The following ABCG5 variants were observed in gnomAD, a reference collection of about 807,000 sequenced individuals.
The protein encoded by ABCG5 is ATP-binding cassette sub-family G member 5.
A neutral mutation model predicts 64.5 loss-of-function variants in ABCG5; 64 were observed. That is an observed-to-expected ratio of 0.99 (90% CI 0.81 to 1.22). The LOEUF (loss-of-function observed/expected upper bound fraction) is 1.22, where lower values mean the gene tolerates loss of function less well. Among genes scored for constraint, ABCG5 ranks in the 50% most tolerant of loss-of-function variants. ABCG5 has a pLI of 0.00. For missense variants in ABCG5, 908 were observed against 829.5 expected, an observed-to-expected ratio of 1.09 and a Z score of -1.16; for synonymous variants, 385 against 326.3, an observed-to-expected ratio of 1.18 and a Z score of -1.94.
Position 43,813,117 on chromosome 2 carries a change from T to TA in ABCG5, c.1954dup (p.Ter652LeufsTer25). Reference sequence around the variant, plus strand: ...CCATTTTCCCAGCCATGGCTTTCACTACCTGCTAATGAGATGATCCCTTAT... The same window carrying TA: ...CCATTTTCCCAGCCATGGCTTTCACTAACCTGCTAATGAGATGATCCCTTAT... On this transcript the variant is annotated frameshift_variant and stop_lost, in exon 13 of 13. Coordinates refer to ENST00000405322, the MANE Select transcript of ABCG5 (RefSeq NM_022436.3). LOFTEE classifies it high-confidence loss of function. 8.6e-7 allele frequency: 1 copy of TA among 1,165,528 alleles called. No homozygotes were observed. The highest frequency in any genetic ancestry group is 1.3e-6 in the Non-Finnish European group (1 of 770,498). The allele number at this position is 1,165,528 out of a possible 1,614,324, so 72.2% of individuals were successfully genotyped here.
At position 43,819,998 on chromosome 2, in the gene ABCG5, A is replaced by G. The variant is rs770508086; in HGVS notation, c.1566T>C (p.Gly522=). ...TGACTATATTTGGATTTTGGACGAT[A>G]CCAAGTAGCACAAGAGTTAGAAATT... ...IGEFLTLVLL[G]IVQNPNIVNS... The change falls in exon 11 of 13, where the codon GGT becomes GGC. Residue 522 remains glycine, a synonymous_variant. Coordinates refer to ENST00000405322, the MANE Select transcript of ABCG5 (RefSeq NM_022436.3). 1.2e-6 allele frequency: 2 copies of G among 1,614,192 alleles called. No homozygotes were observed. Among genetic ancestry groups the G allele is most frequent in the Non-Finnish European group, 1.7e-6 (2 of 1,180,032 alleles).
intron 10 of ABCG5, among the ~76,000 whole-genome samples, chr2:43,820,527 C>G (rs538401738): frequency 1.2e-4 from 18 of 152,342 alleles, no homozygotes; most frequent in African/African-American, 3.8e-4. Flanking sequence ...AACCTCATCT[C>G]TGTTATATGG....
chr2:43,834,393 T>G (rs191870925), intron 2 of ABCG5, among the ~76,000 whole-genome samples: 3 of 152,244 alleles, frequency 2.0e-5, no homozygotes, highest in African/African-American at 7.2e-5. Flanking sequence ...TATACTTCTC[T>G]GGGAGGGATC....
In ABCG5 at chr2:43,825,752, G is replaced by A. The variant is rs147025449; in HGVS notation, c.774+630C>T. On this transcript the variant is annotated intron_variant, in intron 6 of 12. Coordinates refer to ENST00000405322, the MANE Select transcript of ABCG5 (RefSeq NM_022436.3). ...TTCCCGAATAGCTGGGATTACAGGC[G>A]CACACCACCACGCCCAACTATCAAT... Among the ~76,000 whole-genome samples the A allele has an allele frequency of 6.8e-3, 1,033 of 152,042 alleles. 10 individuals carry two copies. The highest frequency in any genetic ancestry group is 9.2e-3 in the Admixed American group (140 of 15,272).
At chr2:43,822,475 CAG>C (rs1667278927) in intron 10 of ABCG5, 159 of 660,076 alleles carry the variant, frequency 2.4e-4, no homozygotes, top group Middle Eastern at 7.9e-4. Flanking sequence ...TCCCCTCCCC[CAG>C]GCCCCCCCCC....
intron 4 of ABCG5, among the ~76,000 whole-genome samples, chr2:43,829,566 T>C (rs1054302368): frequency 6.6e-6 from 1 of 152,194 alleles, no homozygotes; most frequent in African/African-American, 2.4e-5. Flanking sequence ...AGCTTGGCTT[T>C]TTTCCTCCCT....
chr2:43,822,194 C>T (rs748734145), intron 10 of ABCG5, among the ~76,000 whole-genome samples: 11 of 152,208 alleles, frequency 7.2e-5, no homozygotes, highest in Admixed American at 5.9e-4. Flanking sequence ...TTCTTGTAAA[C>T]CTGACTTGCA....
At chr2:43,820,201 G>T in intron 10 of ABCG5, 101 bp from the exon 11 acceptor site, 1 of 1,419,066 alleles carries the variant, frequency 7.0e-7, no homozygotes, top group South Asian at 1.2e-5. Context: ...TGAGTGGGTG[G>T]GAGAAGTTTG....
intron 10 of ABCG5, among the ~76,000 whole-genome samples, chr2:43,820,392 G>A (rs1325153802): frequency 6.6e-6 from 1 of 152,172 alleles, no homozygotes; most frequent in East Asian, 1.9e-4. Context: ...ACAACTAACC[G>A]CAGTAAGCAG....
chr2:43,812,638 G>A lies in ABCG5; in HGVS notation c.*478C>T, dbSNP rs1049844301. On this transcript the variant is annotated 3_prime_UTR_variant, in exon 13 of 13. Coordinates refer to ENST00000405322, the MANE Select transcript of ABCG5 (RefSeq NM_022436.3). ...CTGCATTTAACTCTGGGTCTTCCAG[G>A]AACAGAAGCATTCTTACCCAATTCT... 20 of 181,654 alleles carry A rather than the reference G, an allele frequency of 1.1e-4. No individual in the cohort carries two copies. The highest frequency in any genetic ancestry group is 2.3e-4 in the Non-Finnish European group (20 of 85,710). 11.3% of individuals were successfully genotyped at this position (181,654 alleles called of 1,614,324 possible). A position where few individuals can be genotyped will look rare whatever the true frequency, so the allele number is the denominator to read the frequency against.
At chr2:43,816,085 A>G (rs1443112659) in intron 11 of ABCG5, among the ~76,000 whole-genome samples, 1 of 152,198 alleles carries the variant, frequency 6.6e-6, no homozygotes, top group Non-Finnish European at 1.5e-5. Context: ...GTCAAACACA[A>G]AATGTTCCAC....
chr2:43,818,812 C>G (rs1419268960), intron 11 of ABCG5, among the ~76,000 whole-genome samples: 1 of 152,114 alleles, frequency 6.6e-6, no homozygotes, highest in Non-Finnish European at 1.5e-5. Context: ...AATGTGTTTT[C>G]ATATTGATTA....
At position 43,819,936 on chromosome 2, in the gene ABCG5, A is replaced by C; in HGVS notation, c.1628T>G (p.Leu543Arg). The C allele has an allele frequency of 1.2e-6, 2 of 1,614,206 alleles. No homozygotes were observed. Among genetic ancestry groups the C allele is most frequent in the South Asian group, 1.1e-5 (1 of 91,082 alleles). ...VVALLSIAGV[L>R]VGSGFLRNIQ... ...TTACCTGAGGAATCCAGATCCAACA[A>C]GCACCCCCGCAATGGACAGCAGAGC... is the stretch of plus-strand genomic sequence containing the variant. The change falls in exon 11 of 13, where the codon CTT (leucine) becomes CGT (arginine). Residue 543 changes from leucine (L) to arginine (R), a missense_variant. By Grantham distance (102) the Leu-to-Arg change is moderately radical (BLOSUM62 -2). Coordinates refer to ENST00000405322, the MANE Select transcript of ABCG5 (RefSeq NM_022436.3).
chr2:43,833,969 C>T (rs1320920408), intron 2 of ABCG5, among the ~76,000 whole-genome samples: 2 of 152,188 alleles, frequency 1.3e-5, no homozygotes, highest in East Asian at 3.8e-4. Context: ...CAGGTGTGAG[C>T]GACCGCACCT....
intron 12 of ABCG5, among the ~76,000 whole-genome samples, chr2:43,813,626 G>T (rs554478312): frequency 1.9e-4 from 28 of 144,798 alleles, no homozygotes; most frequent in African/African-American, 6.9e-4. Context: ...ACTAAATTCA[G>T]CCATATTCTT....
chr2:43,831,761 G>A lies in ABCG5; in HGVS notation c.501+8C>T. On this transcript the variant is annotated splice_region_variant and intron_variant, in intron 4 of 12. Coordinates refer to ENST00000405322, the MANE Select transcript of ABCG5 (RefSeq NM_022436.3). The stretch of plus-strand genomic sequence containing the variant: ...GTTTGCCCTCTGTGAGCGGGGGGCT[G>A]CACCCACCTTCTTCTGGAAGGAGCC... 1 of 1,570,758 alleles carries A rather than the reference G, an allele frequency of 6.4e-7. No individual in the cohort carries two copies. Among genetic ancestry groups the A allele is most frequent in the East Asian group, 2.3e-5 (1 of 43,600 alleles).
chr2:43,811,117 A>G (rs901553320), downstream of ABCG5, among the ~76,000 whole-genome samples: 5 of 152,192 alleles, frequency 3.3e-5, no homozygotes, highest in Admixed American at 1.3e-4. Flanking sequence ...TTGTACACCC[A>G]TATCTTTAGT....
chr2:43,838,220 C>G lies in ABCG5; in HGVS notation c.144-265G>C, dbSNP rs1239928338. ...AGGTGGCTGTCCCTGCATTCTTTCA[C>G]CAGGTTTCAAGACTCCTTGCATTCG... On this transcript the variant is annotated intron_variant, in intron 1 of 12. Transcript: ENST00000405322. The surrounding 1 kb of genome is among the most constrained non-coding windows in gnomAD (Gnocchi z 4.2). 3.4e-6 allele frequency: 2 copies of G among 596,254 alleles called. No individual in the cohort carries two copies. The highest frequency in any genetic ancestry group is 3.0e-5 in the Admixed American group (1 of 33,578). The allele number at this position is 596,254 out of a possible 1,614,324, so 36.9% of individuals were successfully genotyped here. A position where few individuals can be genotyped will look rare whatever the true frequency, so the allele number is the denominator to read the frequency against.
At chr2:43,819,358 G>A (rs980420741) in intron 11 of ABCG5, among the ~76,000 whole-genome samples, 1 of 151,614 alleles carries the variant, frequency 6.6e-6, no homozygotes, top group Non-Finnish European at 1.5e-5. Flanking sequence ...GAAATATGAA[G>A]AAAAAAATTA....
Sources: gnomAD v4.1 joint callset for allele counts (sites outside exome capture counted in the v4.1 genomes callset) on GRCh38, gnomAD v4.1.1 for gene constraint, Gnocchi (gnomAD v3.1) non-coding constraint, MANE v1.5 for transcripts, NCBI Gene and HGNC (gene_info 2026-07-23, HGNC 2026-07-21) for gene names.